The following PIAS1 variants were observed in gnomAD, a reference collection of about 807,000 sequenced individuals.
PIAS1 encodes protein inhibitor of activated STAT 1, also known as E3 SUMO-protein ligase PIAS1.
In PIAS1, 6 loss-of-function variants were observed where a neutral mutation model predicts 71.3. The observed-to-expected ratio is 0.08, with a 90% CI of 0.05 to 0.17. The LOEUF is 0.17. PIAS1 is among the 10% of genes least tolerant of loss of function. The pLI is 1.00. For missense variants in PIAS1, 555 were observed against 793.6 expected, an observed-to-expected ratio of 0.70 and a Z score of 3.61; for synonymous variants, 303 against 292.9, an observed-to-expected ratio of 1.03 and a Z score of -0.35.
chr15:68,110,502 A>G (rs978459521), intron 2 of PIAS1, among the ~76,000 whole-genome samples: 126 of 152,284 alleles, frequency 8.3e-4, no homozygotes, highest in African/African-American at 2.8e-3. Context: ...AGGCTGAGGC[A>G]GGAGAATTGC....
chr15:68,095,463 C>CT (rs1160274156), intron 2 of PIAS1, among the ~76,000 whole-genome samples: 1 of 144,016 alleles, frequency 6.9e-6, no homozygotes, highest in African/African-American at 2.6e-5. Context: ...TTCTTTCTTT[C>CT]TTTTAAAAAA....
At chr15:68,092,552 G>C (rs1056130223) in intron 2 of PIAS1, among the ~76,000 whole-genome samples, 9 of 152,156 alleles carry the variant, frequency 5.9e-5, no homozygotes, top group Non-Finnish European at 1.0e-4. Flanking sequence ...TCCTTGCTGT[G>C]GTCTGAATGT....
At chr15:68,117,893 G>A (rs2092579158) in intron 2 of PIAS1, among the ~76,000 whole-genome samples, 1 of 152,068 alleles carries the variant, frequency 6.6e-6, no homozygotes. Context: ...TAGATCATAT[G>A]GTAGTTCTAT....
intron 7 of PIAS1, among the ~76,000 whole-genome samples, chr15:68,154,125 A>G (rs1386861897): frequency 6.6e-6 from 1 of 152,222 alleles, no homozygotes; most frequent in East Asian, 1.9e-4. Flanking sequence ...AATCAATTAT[A>G]TGACTGTGGA....
intron 1 of PIAS1, among the ~76,000 whole-genome samples, chr15:68,072,753 A>T (rs1022114543): frequency 2.0e-5 from 3 of 152,238 alleles, no homozygotes; most frequent in Non-Finnish European, 2.9e-5. Flanking sequence ...TTGGTATCAT[A>T]TCTTACATCC....
intron 2 of PIAS1, among the ~76,000 whole-genome samples, chr15:68,137,498 C>T (rs78049372): frequency 0.029 from 4,465 of 151,610 alleles, 77 homozygotes; most frequent in Non-Finnish European, 0.046. Flanking sequence ...AATTCTTTTC[C>T]GATTTTCTGT....
chr15:68,172,757 C>CT (rs2092999437), intron 8 of PIAS1, among the ~76,000 whole-genome samples: 1 of 152,230 alleles, frequency 6.6e-6, no homozygotes, highest in Middle Eastern at 3.2e-3. Flanking sequence ...GTGCAGGTTT[C>CT]TGCGTGGCTT....
intron 2 of PIAS1, among the ~76,000 whole-genome samples, chr15:68,137,838 C>G (rs1194012463): frequency 6.6e-6 from 1 of 152,172 alleles, no homozygotes; most frequent in African/African-American, 2.4e-5. Context: ...AACCTTAGAT[C>G]TCAATGGCTA....
intron 2 of PIAS1, among the ~76,000 whole-genome samples, chr15:68,128,582 AAT>A (rs2092668570): frequency 6.6e-6 from 1 of 152,154 alleles, no homozygotes; most frequent in African/African-American, 2.4e-5. Flanking sequence ...TCTAAAAAAA[AAT>A]TTTTTTTGGA....
chr15:68,091,299 AATAGTT>A (rs2092330780), intron 2 of PIAS1, among the ~76,000 whole-genome samples: 1 of 152,178 alleles, frequency 6.6e-6, no homozygotes, highest in Admixed American at 6.5e-5. Context: ...TATCATTCAA[AATAGTT>A]TATAATATTG....
Position 68,188,063 on chromosome 15 carries a change from T to TA in PIAS1, c.*228_*229insA. 3.0e-6 allele frequency: 1 copy of TA among 329,774 alleles called. No individual in the cohort carries two copies. The highest frequency in any genetic ancestry group is 5.5e-6 in the Non-Finnish European group (1 of 183,426). The allele number at this position is 329,774 out of a possible 1,614,324, so 20.4% of individuals were successfully genotyped here. On this transcript the variant is annotated 3_prime_UTR_variant, in exon 14 of 14. Coordinates refer to ENST00000249636, the MANE Select transcript of PIAS1 (RefSeq NM_016166.3). ...ACTGCCTGTGTGATAAAACACTTGTTTAAAAAAAAAAAGGAAAGAAAAGAA... is the reference window on the plus strand; with the variant it reads ...ACTGCCTGTGTGATAAAACACTTGTTATAAAAAAAAAAAGGAAAGAAAAGAA...
chr15:68,183,982 T>C (rs2093071787), intron 13 of PIAS1: 1 of 182,034 alleles, frequency 5.5e-6, no homozygotes, highest in African/African-American at 2.4e-5. Flanking sequence ...TTTTTATTGT[T>C]ATTTTAGAGT....
chr15:68,102,915 T>C (rs527394368), intron 2 of PIAS1, among the ~76,000 whole-genome samples: 1 of 152,078 alleles, frequency 6.6e-6, no homozygotes, highest in African/African-American at 2.4e-5. Flanking sequence ...ACAGTGAACA[T>C]CCTTCTTTGA....
chr15:68,117,025 G>C (rs2092570846), intron 2 of PIAS1, among the ~76,000 whole-genome samples: 1 of 152,112 alleles, frequency 6.6e-6, no homozygotes, highest in Non-Finnish European at 1.5e-5. Context: ...TTGTCTGTTT[G>C]TGATGAGGAC....
At position 68,132,815 on chromosome 15, in the gene PIAS1, G is replaced by A. The variant is rs561329787; in HGVS notation, c.470-9131G>A. On this transcript the variant is annotated intron_variant, in intron 2 of 13. Transcript: ENST00000249636. ...CCACGCAAAATATAAATATTAAAAA[G>A]TTAGAAATACTCATTTTTGCTCAGT... 1.8e-3 allele frequency among the ~76,000 whole-genome samples: 281 copies of A among 152,126 alleles called. 2 individuals are homozygous for A. Among genetic ancestry groups the A allele is most frequent in the African/African-American group, 6.6e-3 (274 of 41,512 alleles).
At chr15:68,067,430 GT>G (rs1023392322) in intron 1 of PIAS1, among the ~76,000 whole-genome samples, 2 of 2,626 alleles carry the variant, frequency 7.6e-4, no homozygotes, top group African/African-American at 8.5e-4. Context: ...TTTCTAGTTG[GT>G]TATTTTTTTT....
At chr15:68,124,359 G>T (rs2092634712) in intron 2 of PIAS1, among the ~76,000 whole-genome samples, 1 of 150,772 alleles carries the variant, frequency 6.6e-6, no homozygotes, top group African/African-American at 2.4e-5. Flanking sequence ...CCACAGTCGT[G>T]ACTTCCACTA....
chr15:68,110,327 G>T (rs569782660), intron 2 of PIAS1, among the ~76,000 whole-genome samples: 1 of 152,286 alleles, frequency 6.6e-6, no homozygotes, highest in South Asian at 2.1e-4. Flanking sequence ...GGGTGCAGTG[G>T]TTCACGCCTG....
intron 6 of PIAS1, among the ~76,000 whole-genome samples, chr15:68,152,990 A>G (rs2092859271): frequency 6.6e-6 from 1 of 150,422 alleles, no homozygotes; most frequent in South Asian, 2.1e-4. Flanking sequence ...CATTTGCCAA[A>G]CCAGCAGCTT....
Sources: allele counts gnomAD v4.1 joint callset (sites outside exome capture counted in the v4.1 genomes callset), GRCh38; gene constraint gnomAD v4.1.1; transcripts MANE v1.5; gene names NCBI Gene and HGNC (gene_info 2026-07-23, HGNC 2026-07-21).